The following DDR1 variants were observed in gnomAD, a reference collection of about 807,000 sequenced individuals.
DDR1 encodes discoidin domain receptor tyrosine kinase 1.
Under a neutral mutation model 97.4 loss-of-function variants are expected in DDR1, and 64 were observed. The ratio of observed to expected loss-of-function variants is 0.66; its 90% CI spans 0.54 to 0.81. The LOEUF (loss-of-function observed/expected upper bound fraction) is 0.81. Ranked by LOEUF, DDR1 falls within the 30% of genes least tolerant of loss-of-function variation. The pLI is 0.00. For missense variants in DDR1, 990 were observed against 1,259.6 expected (o/e 0.79, Z 3.24); for synonymous variants, 458 against 503.7 (o/e 0.91, Z 1.21).
rs762416383 is a variant in DDR1, at chr6:30,889,381, C to T, written c.368C>T (p.Ser123Phe). Reference protein sequence around the residue: ...EFSRSYRLRYSRDGRRWMGWK... With the variant: ...EFSRSYRLRYFRDGRRWMGWK... ...TCCCGGAGCTACCGGCTGCGTTACT[C>T]CCGGGATGGTCGCCGCTGGATGGGC... Residue 123 changes from serine to phenylalanine, a missense_variant, in exon 4 of 18, where the codon TCC becomes TTC. By Grantham distance (155) the Ser-to-Phe change is radical. Coordinates refer to ENST00000376568, the MANE Select transcript of DDR1 (RefSeq NM_001297654.2). This position sits in a 1 kb window ranked among gnomAD's most constrained non-coding sequence, Gnocchi z 4.9. 1.2e-6 allele frequency: 2 copies of T among 1,600,488 alleles called. No individual in the cohort carries two copies. The highest frequency in any genetic ancestry group is 1.7e-6 in the Non-Finnish European group (2 of 1,173,398).
rs1031618770 is a variant in DDR1 at position 30,890,689 on chromosome 6, A to G, written c.418-284A>G. 4 of 414,910 alleles carry G rather than the reference A, an allele frequency of 9.6e-6. No individual in the cohort carries two copies. Among genetic ancestry groups the G allele is most frequent in the Non-Finnish European group, 1.7e-5 (4 of 236,666 alleles). 25.7% of individuals were successfully genotyped at this position (414,910 alleles called of 1,614,324 possible). A position where few individuals can be genotyped will look rare whatever the true frequency, so the allele number is the denominator to read the frequency against. ...TTGGGGAGAATCTGGGCACAATGGGATGATAGGCTTGGAGACAAATGGATG... is the reference window on the plus strand; with the variant it reads ...TTGGGGAGAATCTGGGCACAATGGGGTGATAGGCTTGGAGACAAATGGATG... On this transcript the variant is annotated intron_variant, in intron 4 of 17. Coordinates refer to ENST00000376568, the MANE Select transcript of DDR1 (RefSeq NM_001297654.2). This position sits in a 1 kb window ranked among gnomAD's most constrained non-coding sequence, Gnocchi z 5.0.
At position 30,889,488 on chromosome 6, in the gene DDR1, C is replaced by A; in HGVS notation, c.417+58C>A. 1.6e-6 allele frequency: 2 copies of A among 1,248,852 alleles called. No individual in the cohort carries two copies. The highest frequency in any genetic ancestry group is 2.2e-6 in the Non-Finnish European group (2 of 922,380). 77.4% of individuals were successfully genotyped at this position (1,248,852 alleles called of 1,614,324 possible). On this transcript the variant is annotated intron_variant, in intron 4 of 17. Transcript: ENST00000376568. This position sits in a 1 kb window ranked among gnomAD's most constrained non-coding sequence, Gnocchi z 4.9. Reference sequence around the variant, plus strand: ...TTGGCTCTCCTCACTTCCAGCTGTACTTTAAACACCACCTATACGCTGACG... The same window carrying A: ...TTGGCTCTCCTCACTTCCAGCTGTAATTTAAACACCACCTATACGCTGACG...
upstream of DDR1, among the ~76,000 whole-genome samples, chr6:30,881,741 T>C (rs1437710025): frequency 1.3e-5 from 2 of 152,190 alleles, no homozygotes; most frequent in African/African-American, 4.8e-5. Context: ...TTGCTGTGTG[T>C]GCCCTGTCTT....
Position 30,889,453 on chromosome 6 carries a change from C to T in DDR1, c.417+23C>T. 1 of 1,473,784 alleles carries T rather than the reference C, an allele frequency of 6.8e-7. No homozygotes were observed. The highest frequency in any genetic ancestry group is 9.0e-7 in the Non-Finnish European group (1 of 1,112,992). The allele number at this position is 1,473,784 out of a possible 1,614,324, so 91.3% of individuals were successfully genotyped here. Reference sequence around the variant, plus strand: ...GAGGTGAGACTGGCAGGGGCAGCACCCAGAGGAGGTTGGCTCTCCTCACTT... The same window carrying T: ...GAGGTGAGACTGGCAGGGGCAGCACTCAGAGGAGGTTGGCTCTCCTCACTT... On this transcript the variant is annotated intron_variant, in intron 4 of 17. Transcript: ENST00000376568. The surrounding 1 kb of genome is among the most constrained non-coding windows in gnomAD (Gnocchi z 4.9).
rs1788190821 is a variant in DDR1, at chr6:30,891,476, G to T, written c.662G>T (p.Gly221Val). ...NDSTYDGHTV[G>V]GLQYGGLGQL... Reference sequence around the variant, plus strand: ...TCCACCTATGACGGACATACCGTGGGCGGGTAAGAAAGGCCCCTGCAGGAT... The same window carrying T: ...TCCACCTATGACGGACATACCGTGGTCGGGTAAGAAAGGCCCCTGCAGGAT... The change falls in exon 6 of 18, where the codon GGC becomes GTC. Residue 221 changes from glycine to valine, a missense_variant. Gly to Val is a moderately radical substitution (Grantham distance 109, BLOSUM62 -3). Coordinates refer to ENST00000376568, the MANE Select transcript of DDR1 (RefSeq NM_001297654.2). The surrounding 1 kb of genome is among the most constrained non-coding windows in gnomAD (Gnocchi z 5.3). The T allele has an allele frequency of 1.9e-6, 3 of 1,612,466 alleles. No homozygotes were observed. In the South Asian group the frequency reaches 3.3e-5, roughly 18 times the overall value.
Position 30,892,398 on chromosome 6 carries a change from C to T in DDR1, c.955C>T (p.Arg319Cys), listed in dbSNP as rs148743250. The T allele has an allele frequency of 3.9e-4, 621 of 1,597,928 alleles. No homozygotes were observed. The highest frequency in any genetic ancestry group is 5.1e-4 in the Non-Finnish European group (600 of 1,175,692). ...CATGGCCTGGGAGGGGGAGCCCATGCGCCACAACCTAGGGGGCAACCTGGG... is the reference window on the plus strand; with the variant it reads ...CATGGCCTGGGAGGGGGAGCCCATGTGCCACAACCTAGGGGGCAACCTGGG... ...PAMAWEGEPM[R>C]HNLGGNLGDP... Residue 319 changes from arginine to cysteine, a missense_variant, in exon 8 of 18, where the codon CGC becomes TGC. Physicochemically the swap from Arg to Cys is radical, Grantham distance 180. Coordinates refer to ENST00000376568, the MANE Select transcript of DDR1 (RefSeq NM_001297654.2).
chr6:30,891,610 G>T lies in DDR1; in HGVS notation c.665+131G>T. ...AAGTAGGGTGGGGAGTGAGATGGAAGAGCTGAGAAGAGGGATGGGTTAGGT... is the reference window on the plus strand; with the variant it reads ...AAGTAGGGTGGGGAGTGAGATGGAATAGCTGAGAAGAGGGATGGGTTAGGT... On this transcript the variant is annotated intron_variant, in intron 6 of 17. Coordinates refer to ENST00000376568, the MANE Select transcript of DDR1 (RefSeq NM_001297654.2). The surrounding 1 kb of genome is among the most constrained non-coding windows in gnomAD (Gnocchi z 5.3). 1.4e-6 allele frequency: 1 copy of T among 703,840 alleles called. No homozygotes were observed. Among genetic ancestry groups the T allele is most frequent in the Non-Finnish European group, 2.4e-6 (1 of 411,314 alleles). The allele number at this position is 703,840 out of a possible 1,614,324, so 43.6% of individuals were successfully genotyped here. A position where few individuals can be genotyped will look rare whatever the true frequency, so the allele number is the denominator to read the frequency against.
Position 30,896,764 on chromosome 6 carries a change from G to C in DDR1, c.1768G>C (p.Ala590Pro). 4 of 1,588,332 alleles carry C rather than the reference G, an allele frequency of 2.5e-6. No individual in the cohort carries two copies. The highest frequency in any genetic ancestry group is 3.4e-6 in the Non-Finnish European group (4 of 1,165,964). ...VTGGNTYAVP[A>P]LPPGAVGDGP... Reference sequence around the variant, plus strand: ...CGGGGGCAACACCTATGCTGTGCCTGCACTGCCCCCAGGGGCAGTCGGGGA... The same window carrying C: ...CGGGGGCAACACCTATGCTGTGCCTCCACTGCCCCCAGGGGCAGTCGGGGA... The change falls in exon 13 of 18, where the codon GCA becomes CCA. Residue 590 changes from alanine to proline, a missense_variant. Coordinates refer to ENST00000376568, the MANE Select transcript of DDR1 (RefSeq NM_001297654.2).
At chr6:30,895,289 T>A in intron 11 of DDR1, 115 bp from the exon 12 acceptor site, 2 of 714,134 alleles carry the variant, frequency 2.8e-6, no homozygotes, top group Non-Finnish European at 4.7e-6. Context: ...ATCCTGTCTG[T>A]CTCTTAATGC....
chr6:30,898,786 TGAGTGGAGCCCA>T (rs1371611872), intron 16 of DDR1, 90 bp from the exon 17 acceptor site: 4 of 1,317,356 alleles, frequency 3.0e-6, no homozygotes, highest in Non-Finnish European at 4.2e-6. Context: ...GGATCAGGCC[TGAGTGGAGCCCA>T]GAGTGGATCT....
chr6:30,889,480 C>T lies in DDR1; in HGVS notation c.417+50C>T, dbSNP rs1787201878. On this transcript the variant is annotated intron_variant, in intron 4 of 17. Coordinates refer to ENST00000376568, the MANE Select transcript of DDR1 (RefSeq NM_001297654.2). This position sits in a 1 kb window ranked among gnomAD's most constrained non-coding sequence, Gnocchi z 4.9. The stretch of plus-strand genomic sequence containing the variant: ...AGAGGAGGTTGGCTCTCCTCACTTC[C>T]AGCTGTACTTTAAACACCACCTATA... 7.4e-7 allele frequency: 1 copy of T among 1,360,438 alleles called. No individual in the cohort carries two copies. Among genetic ancestry groups the T allele is most frequent in the East Asian group, 2.5e-5 (1 of 39,764 alleles). 84.3% of individuals were successfully genotyped at this position (1,360,438 alleles called of 1,614,324 possible).
Position 30,894,743 on chromosome 6 carries a change from T to C in DDR1, c.1513+72T>C. 1 of 1,459,858 alleles carries C rather than the reference T, an allele frequency of 6.8e-7. No individual in the cohort carries two copies. Among genetic ancestry groups the C allele is most frequent in the Non-Finnish European group, 9.1e-7 (1 of 1,096,022 alleles). The allele number at this position is 1,459,858 out of a possible 1,614,324, so 90.4% of individuals were successfully genotyped here. A position where few individuals can be genotyped will look rare whatever the true frequency, so the allele number is the denominator to read the frequency against. On this transcript the variant is annotated intron_variant, in intron 11 of 17. Transcript: ENST00000376568. The surrounding 1 kb of genome is among the most constrained non-coding windows in gnomAD (Gnocchi z 5.7). ...TTCTTATTGTATCCCTTTCCCATTC[T>C]CTTTTTTTCCTGTCTTCCCCAGTTT...
rs1038644234 is a variant in DDR1, at chr6:30,890,000, T to C, written c.417+570T>C. ...CAGTCACTCCTCACCACTCCACCTC[T>C]ACTGCCCTAGGCCACCTGCCCGCCA... On this transcript the variant is annotated intron_variant, in intron 4 of 17. Coordinates refer to ENST00000376568, the MANE Select transcript of DDR1 (RefSeq NM_001297654.2). This position sits in a 1 kb window ranked among gnomAD's most constrained non-coding sequence, Gnocchi z 4.9. Among the ~76,000 whole-genome samples, 1 of 152,194 alleles carries C rather than the reference T, an allele frequency of 6.6e-6. No individual in the cohort carries two copies. The highest frequency in any genetic ancestry group is 1.5e-5 in the Non-Finnish European group (1 of 68,038).
At position 30,897,311 on chromosome 6, in the gene DDR1, G is replaced by T. The variant is rs1562406854; in HGVS notation, c.1998-68G>T. On this transcript the variant is annotated intron_variant, in intron 14 of 17. Transcript: ENST00000376568. The surrounding 1 kb of genome is among the most constrained non-coding windows in gnomAD (Gnocchi z 5.2). ...GGTCTGCCTGAGGTGGGGCAGGGGG[G>T]TGGGGGCGCGGGGGAAGGTGCAGGC... The T allele has an allele frequency of 2.0e-6, 3 of 1,488,694 alleles. No individual in the cohort carries two copies. Among genetic ancestry groups the T allele is most frequent in the East Asian group, 2.5e-5 (1 of 40,686 alleles). 92.2% of individuals were successfully genotyped at this position (1,488,694 alleles called of 1,614,324 possible).
Position 30,891,860 on chromosome 6 carries a change from T to C in DDR1, c.666-142T>C, listed in dbSNP as rs897028783. The C allele has an allele frequency of 5.4e-5, 47 of 875,666 alleles. No individual in the cohort carries two copies. The Middle Eastern group carries it at 1.1e-3, about 20-fold the overall frequency. 54.2% of individuals were successfully genotyped at this position (875,666 alleles called of 1,614,324 possible). A position where few individuals can be genotyped will look rare whatever the true frequency, so the allele number is the denominator to read the frequency against. ...AGAGGAGAAGGGCCAGCTGCATGAG[T>C]GTGAGGTGGGATGGGAATGGGACTA... On this transcript the variant is annotated intron_variant, in intron 6 of 17. Transcript: ENST00000376568. This position sits in a 1 kb window ranked among gnomAD's most constrained non-coding sequence, Gnocchi z 5.3.
At position 30,893,321 on chromosome 6, in the gene DDR1, G is replaced by A. The variant is rs781474400; in HGVS notation, c.1245G>A (p.Pro415=). 21 of 1,606,728 alleles carry A rather than the reference G, an allele frequency of 1.3e-5. No individual in the cohort carries two copies. The highest frequency in any genetic ancestry group is 2.2e-5 in the East Asian group (1 of 44,870). The change falls in exon 10 of 18, where the codon CCG becomes CCA. Residue 415 remains proline (P), a synonymous_variant. Coordinates refer to ENST00000376568, the MANE Select transcript of DDR1 (RefSeq NM_001297654.2). ...CCGTGGCCAAGGCCGAGGGGAGCCCGACCGCCATCCTCATCGGCTGCCTGG... is the reference window on the plus strand; with the variant it reads ...CCGTGGCCAAGGCCGAGGGGAGCCCAACCGCCATCCTCATCGGCTGCCTGG... ...QQPVAKAEGS[P]TAILIGCLVA...
chr6:30,888,233 T>C lies in DDR1; in HGVS notation c.-42-455T>C, dbSNP rs979837803. 2.6e-5 allele frequency among the ~76,000 whole-genome samples: 4 copies of C among 152,258 alleles called. No homozygotes were observed. The highest frequency in any genetic ancestry group is 2.0e-4 in the Admixed American group (3 of 15,282). ...GGCTGTTTCTTTATTGGGTTACTTA[T>C]ATATTTTTTCTTGTCAGTTCCTAAG... On this transcript the variant is annotated intron_variant, in intron 1 of 17. Transcript: ENST00000376568. This position sits in a 1 kb window ranked among gnomAD's most constrained non-coding sequence, Gnocchi z 4.2.
At chr6:30,885,912 AG>A in intron 1 of DDR1, 1 of 980,310 alleles carries the variant, frequency 1.0e-6, no homozygotes, top group South Asian at 1.3e-5. Context: ...GGCTTGAGGC[AG>A]GGTGGCCTGG....
Position 30,890,740 on chromosome 6 carries a change from C to G in DDR1, c.418-233C>G. On this transcript the variant is annotated intron_variant, in intron 4 of 17. Coordinates refer to ENST00000376568, the MANE Select transcript of DDR1 (RefSeq NM_001297654.2). This position sits in a 1 kb window ranked among gnomAD's most constrained non-coding sequence, Gnocchi z 5.0. ...GAGCCAGGCAAGGAGAAGAGGGCAG[C>G]TGAGCCTGAAGTCTGAGGATGGAAC... 1 of 481,222 alleles carries G rather than the reference C, an allele frequency of 2.1e-6. No individual in the cohort carries two copies. The highest frequency in any genetic ancestry group is 3.6e-6 in the Non-Finnish European group (1 of 277,332). The allele number at this position is 481,222 out of a possible 1,614,324, so 29.8% of individuals were successfully genotyped here. A position where few individuals can be genotyped will look rare whatever the true frequency, so the allele number is the denominator to read the frequency against.
Sources: gnomAD v4.1 joint callset for allele counts (sites outside exome capture counted in the v4.1 genomes callset) on GRCh38, gnomAD v4.1.1 for gene constraint, Gnocchi (gnomAD v3.1) non-coding constraint, MANE v1.5 for transcripts, NCBI Gene and HGNC (gene_info 2026-07-23, HGNC 2026-07-21) for gene names.